Variants in COLEC10 observed in about 807,000 individuals in gnomAD.
COLEC10 encodes collectin-10.
A neutral mutation model predicts 28.4 loss-of-function variants in COLEC10; 22 were observed. That is an observed-to-expected ratio of 0.78 (90% CI 0.55 to 1.11). The LOEUF is 1.11. COLEC10 is among the 50% of genes least tolerant of loss of function. COLEC10 has a pLI of 0.00. For synonymous variants in COLEC10, 125 were observed against 116.1 expected, an observed-to-expected ratio of 1.08 and a Z score of -0.49; for missense variants, 361 against 344.1, an observed-to-expected ratio of 1.05 and a Z score of -0.39.
chr8:119,052,786 A>G (rs1814695804), intron 2 of COLEC10, among the ~76,000 whole-genome samples: 1 of 152,190 alleles, frequency 6.6e-6, no homozygotes, highest in Admixed American at 6.6e-5. Flanking sequence ...ATTTGTCTTA[A>G]GGAAAAAGTA....
At chr8:118,985,839 A>AT in the COLEC10 span, among the ~76,000 whole-genome samples, 2 of 152,082 alleles carry the variant, frequency 1.3e-5, no homozygotes, top group Non-Finnish European at 2.9e-5. Flanking sequence ...GTGGTGGTAA[A>AT]TAAGATTGTC....
chr8:118,960,785 G>GA, the COLEC10 span, among the ~76,000 whole-genome samples: 17,759 of 72,304 alleles, frequency 0.25, 2,311 homozygotes, highest in East Asian at 0.39. Context: ...GAGACTCTGT[G>GA]AAAAAAAAAA....
At chr8:119,033,326 A>G (rs1001229332) in intron 2 of COLEC10, among the ~76,000 whole-genome samples, 2 of 151,058 alleles carry the variant, frequency 1.3e-5, no homozygotes, top group Non-Finnish European at 2.9e-5. Flanking sequence ...ACCATTAAGG[A>G]CGTAGGCATG....
intron 2 of COLEC10, among the ~76,000 whole-genome samples, chr8:119,027,369 G>A (rs1814211610): frequency 1.3e-5 from 2 of 152,004 alleles, no homozygotes; most frequent in African/African-American, 4.8e-5. Context: ...CCCCTCTCTA[G>A]TCTCAATGAT....
chr8:118,960,895 C>A, the COLEC10 span, among the ~76,000 whole-genome samples: 1 of 152,042 alleles, frequency 6.6e-6, no homozygotes, highest in Non-Finnish European at 1.5e-5. Flanking sequence ...TTCCTCCACC[C>A]TGCAGAGCTA....
At chr8:118,974,718 A>G in the COLEC10 span, among the ~76,000 whole-genome samples, 3 of 152,090 alleles carry the variant, frequency 2.0e-5, no homozygotes, top group South Asian at 2.1e-4. Flanking sequence ...TGAAAAGCCA[A>G]AGACTCAACT....
chr8:119,067,421 G>A lies in COLEC10; in HGVS notation c.140G>A (p.Gly47Glu). The A allele has an allele frequency of 1.2e-6, 2 of 1,613,036 alleles. No individual in the cohort carries two copies. Among genetic ancestry groups the A allele is most frequent in the Non-Finnish European group, 1.7e-6 (2 of 1,179,612 alleles). The change falls in exon 1 of 6, where the codon GGA becomes GAA. Residue 47 changes from glycine (G) to glutamate (E), a missense_variant. Coordinates refer to ENST00000332843, the MANE Select transcript of COLEC10 (RefSeq NM_006438.5). Reference protein sequence around the residue: ...EVCATHTISPGPKGDDGEKGD... With the variant: ...EVCATHTISPEPKGDDGEKGD... ...TGTGCCACACACACAATTTCACCAG[G>A]ACCCAAAGGTGAGGAAAGAAAACCA...
intron 1 of COLEC10, among the ~76,000 whole-genome samples, chr8:119,069,625 AAAAAAT>A (rs1815054764): frequency 4.0e-5 from 2 of 50,320 alleles, no homozygotes; most frequent in Non-Finnish European, 7.0e-5. Context: ...AAAAAAAAAA[AAAAAAT>A]ATATATATAT....
intron 2 of COLEC10, among the ~76,000 whole-genome samples, chr8:119,045,779 A>C (rs567047643): frequency 6.6e-6 from 1 of 152,318 alleles, no homozygotes; most frequent in African/African-American, 2.4e-5. Flanking sequence ...TCTAACCCAT[A>C]GCCCTCTGTT....
At chr8:119,072,079 G>C (rs1462976515) in intron 1 of COLEC10, among the ~76,000 whole-genome samples, 1 of 152,280 alleles carries the variant, frequency 6.6e-6, no homozygotes, top group South Asian at 2.1e-4. Context: ...CTAACACACT[G>C]CTGCCTCCTT....
chr8:119,108,423 C>T lies in COLEC10; in HGVS notation c.*2232C>T, dbSNP rs571674038. On this transcript the variant is annotated 3_prime_UTR_variant, in exon 6 of 6. Coordinates refer to ENST00000332843, the MANE Select transcript of COLEC10 (RefSeq NM_006438.5). The stretch of plus-strand genomic sequence containing the variant: ...GCACTGTTAGTGCTATTATTATTTA[C>T]TGTGAATGTTATAATAATAGTTCTC... 1.3e-5 allele frequency among the ~76,000 whole-genome samples: 2 copies of T among 152,242 alleles called. No homozygotes were observed. Among genetic ancestry groups the T allele is most frequent in the East Asian group, 1.9e-4 (1 of 5,186 alleles).
chr8:119,057,312 C>T (rs942708389), intron 2 of COLEC10, among the ~76,000 whole-genome samples: 1 of 152,112 alleles, frequency 6.6e-6, no homozygotes, highest in Non-Finnish European at 1.5e-5. Flanking sequence ...TTCCTGAGGT[C>T]TCCCAAGCCA....
chr8:119,035,783 C>T (rs1166197445), intron 2 of COLEC10, among the ~76,000 whole-genome samples: 1 of 152,062 alleles, frequency 6.6e-6, no homozygotes, highest in Non-Finnish European at 1.5e-5. Flanking sequence ...AAACAAGCAG[C>T]GGTTATGTTA....
At chr8:119,067,671 T>A in intron 1 of COLEC10, 1 of 399,776 alleles carries the variant, frequency 2.5e-6, no homozygotes, top group Non-Finnish European at 4.5e-6. Context: ...TGAGGGAACT[T>A]ACCCAGGGCA....
At chr8:119,081,854 T>C (rs1324095711) in intron 1 of COLEC10, among the ~76,000 whole-genome samples, 2 of 152,192 alleles carry the variant, frequency 1.3e-5, no homozygotes, top group Non-Finnish European at 2.9e-5. Context: ...GGAAATATGA[T>C]TTAATAAAGA....
chr8:119,053,824 C>T (rs1322180604), intron 2 of COLEC10, among the ~76,000 whole-genome samples: 1 of 151,902 alleles, frequency 6.6e-6, no homozygotes, highest in Middle Eastern at 3.2e-3. Context: ...CTTCTTTATC[C>T]ACGGGGGATA....
chr8:118,984,462 C>T, the COLEC10 span, among the ~76,000 whole-genome samples: 2 of 152,154 alleles, frequency 1.3e-5, no homozygotes, highest in South Asian at 4.1e-4. Flanking sequence ...AACAAATCTG[C>T]CCATGTACCC....
the COLEC10 span, among the ~76,000 whole-genome samples, chr8:118,959,576 T>C: frequency 6.6e-6 from 1 of 152,226 alleles, no homozygotes; most frequent in Non-Finnish European, 1.5e-5. Flanking sequence ...GCAATCAAAT[T>C]CACTGCTGAG....
chr8:119,035,065 A>G (rs981553270), intron 2 of COLEC10, among the ~76,000 whole-genome samples: 1 of 152,176 alleles, frequency 6.6e-6, no homozygotes, highest in African/African-American at 2.4e-5. Flanking sequence ...ACTTTCTTCT[A>G]CCTTGAATGT....
Sources: allele counts gnomAD v4.1 joint callset (sites outside exome capture counted in the v4.1 genomes callset), GRCh38; gene constraint gnomAD v4.1.1; transcripts MANE v1.5; gene names NCBI Gene and HGNC (gene_info 2026-07-23, HGNC 2026-07-21).